Variants in MACROD1 observed in about 807,000 individuals in gnomAD.
MACROD1 encodes ADP-ribose glycohydrolase MACROD1.
In MACROD1, 31 loss-of-function variants were observed where a neutral mutation model predicts 41.4. That is an observed-to-expected ratio of 0.75 (90% CI 0.56 to 1.01). The LOEUF (loss-of-function observed/expected upper bound fraction) is 1.01. Ranked by LOEUF, MACROD1 falls within the 50% of genes least tolerant of loss-of-function variation. MACROD1 has a pLI of 0.00. For missense variants in MACROD1, 473 were observed against 460.0 expected (o/e 1.03, Z -0.26); for synonymous variants, 252 against 203.4 (o/e 1.24, Z -2.03).
At chr11:64,125,724 A>C (rs1325066148) in intron 3 of MACROD1, among the ~76,000 whole-genome samples, 1 of 152,204 alleles carries the variant, frequency 6.6e-6, no homozygotes, top group African/African-American at 2.4e-5. Context: ...AACCTGTGTC[A>C]GTAACTCAGT....
At chr11:64,026,736 C>T (rs1411212460) in intron 3 of MACROD1, among the ~76,000 whole-genome samples, 2 of 152,092 alleles carry the variant, frequency 1.3e-5, no homozygotes, top group East Asian at 1.9e-4. Flanking sequence ...GGCCTCTTTT[C>T]TCTTCCTTCA....
At chr11:64,094,669 C>T (rs990376407) in intron 3 of MACROD1, among the ~76,000 whole-genome samples, 5 of 152,192 alleles carry the variant, frequency 3.3e-5, no homozygotes, top group East Asian at 1.9e-4. Context: ...CTGCTGCGGG[C>T]GGGACCATTT....
At position 64,006,073 on chromosome 11, in the gene MACROD1, G is replaced by A. The variant is rs76765275; in HGVS notation, c.548-5730C>T. 2.3e-3 allele frequency among the ~76,000 whole-genome samples: 345 copies of A among 152,350 alleles called. 2 individuals are homozygous for A. The highest frequency in any genetic ancestry group is 8.1e-3 in the African/African-American group (338 of 41,574). On this transcript the variant is annotated intron_variant, in intron 4 of 10. Transcript: ENST00000255681. Reference sequence around the variant, plus strand: ...AGGGACAAGGCTCCCGGGGAAATGGGGGAAACTGAGTCTCTGAGAGGGTAC... The same window carrying A: ...AGGGACAAGGCTCCCGGGGAAATGGAGGAAACTGAGTCTCTGAGAGGGTAC...
intron 3 of MACROD1, among the ~76,000 whole-genome samples, chr11:64,145,900 G>C (rs1027441002): frequency 3.9e-5 from 6 of 152,164 alleles, no homozygotes; most frequent in Non-Finnish European, 7.3e-5. Context: ...CTCCTGACTA[G>C]CTGGGACTAC....
chr11:64,102,747 G>A (rs770096493), intron 3 of MACROD1, among the ~76,000 whole-genome samples: 2 of 152,084 alleles, frequency 1.3e-5, no homozygotes, highest in Non-Finnish European at 2.9e-5. Context: ...CCCCTTCCCC[G>A]GCTCATAGGC....
At chr11:64,042,853 G>C (rs917322795) in intron 3 of MACROD1, among the ~76,000 whole-genome samples, 2 of 152,206 alleles carry the variant, frequency 1.3e-5, no homozygotes, top group Non-Finnish European at 2.9e-5. Flanking sequence ...GGGCTGGGTA[G>C]TGCCACACCC....
chr11:64,066,690 G>A (rs997355765), intron 3 of MACROD1, among the ~76,000 whole-genome samples: 1 of 151,562 alleles, frequency 6.6e-6, no homozygotes, highest in Non-Finnish European at 1.5e-5. Context: ...CTTCTGAGAT[G>A]TCTGCCTGCA....
rs1829232839 is a variant in MACROD1, at chr11:64,122,775, A to C, written c.517+28464T>G. ...GTGCTGAAAGGTTCTAGCTGGCCCA[A>C]GTCAGGTGAGGGATCCCTGAAGGGT... On this transcript the variant is annotated intron_variant, in intron 3 of 10. Transcript: ENST00000255681. This position sits in a 1 kb window ranked among gnomAD's most constrained non-coding sequence, Gnocchi z 4.0. Among the ~76,000 whole-genome samples the C allele has an allele frequency of 6.6e-6, 1 of 152,172 alleles. No individual in the cohort carries two copies. The highest frequency in any genetic ancestry group is 1.5e-5 in the Non-Finnish European group (1 of 68,016).
At position 64,122,140 on chromosome 11, in the gene MACROD1, A is replaced by G. The variant is rs1379407642; in HGVS notation, c.517+29099T>C. ...TTACTAAAAATAAAATCTATTAATT[A>G]GTCATACTCAATTCCACAGACATGA... is the stretch of plus-strand genomic sequence containing the variant. On this transcript the variant is annotated intron_variant, in intron 3 of 10. Coordinates refer to ENST00000255681, the MANE Select transcript of MACROD1 (RefSeq NM_014067.4). The surrounding 1 kb of genome is among the most constrained non-coding windows in gnomAD (Gnocchi z 4.0). Among the ~76,000 whole-genome samples, 3 of 152,238 alleles carry G rather than the reference A, an allele frequency of 2.0e-5. No homozygotes were observed. Among genetic ancestry groups the G allele is most frequent in the Non-Finnish European group, 4.4e-5 (3 of 68,042 alleles).
intron 3 of MACROD1, among the ~76,000 whole-genome samples, chr11:64,106,828 AC>A (rs1265544736): frequency 1.3e-5 from 2 of 151,610 alleles, no homozygotes; most frequent in African/African-American, 2.4e-5. Context: ...CAAAATAAAG[AC>A]CTTTAGCCCC....
At chr11:64,144,848 G>A (rs770293917) in intron 3 of MACROD1, among the ~76,000 whole-genome samples, 6 of 152,272 alleles carry the variant, frequency 3.9e-5, no homozygotes, top group Admixed American at 1.3e-4. Flanking sequence ...GATTTACGGC[G>A]ACAGTTCAGC....
intron 3 of MACROD1, among the ~76,000 whole-genome samples, chr11:64,039,459 G>A (rs965360816): frequency 3.3e-5 from 5 of 152,192 alleles, no homozygotes; most frequent in Non-Finnish European, 7.4e-5. Context: ...TTCTGCCGGA[G>A]ACAAAGTTCA....
intron 3 of MACROD1, among the ~76,000 whole-genome samples, chr11:64,142,503 T>C (rs1945427463): frequency 6.6e-6 from 1 of 152,098 alleles, no homozygotes; most frequent in Admixed American, 6.5e-5. Flanking sequence ...GACCTTGGGG[T>C]GGAAGGACCC....
chr11:64,117,313 T>C (rs1945006098), intron 3 of MACROD1: 2 of 1,614,070 alleles, frequency 1.2e-6, no homozygotes, highest in Non-Finnish European at 1.7e-6. Flanking sequence ...CGGGCGGCCG[T>C]GGTCAACGTG....
intron 3 of MACROD1, among the ~76,000 whole-genome samples, chr11:64,148,576 C>T (rs1179105885): frequency 6.6e-6 from 1 of 152,208 alleles, no homozygotes; most frequent in Non-Finnish European, 1.5e-5. Context: ...ATTGTGGTGG[C>T]TCCGTGGTAG....
chr11:64,079,602 G>A (rs1299735745), intron 3 of MACROD1, among the ~76,000 whole-genome samples: 1 of 152,190 alleles, frequency 6.6e-6, no homozygotes, highest in African/African-American at 2.4e-5. Flanking sequence ...CGTGGGGTGG[G>A]AGATGGGCTA....
At position 64,096,443 on chromosome 11, in the gene MACROD1, C is replaced by G. The variant is rs576208928; in HGVS notation, c.517+54796G>C. On this transcript the variant is annotated intron_variant, in intron 3 of 10. Coordinates refer to ENST00000255681, the MANE Select transcript of MACROD1 (RefSeq NM_014067.4). The surrounding 1 kb of genome is among the most constrained non-coding windows in gnomAD (Gnocchi z 4.6). ...CTTTTTTTTTTTTGAGACTGAGTCT[C>G]GCTGTGCTGCCCAGGATGATGAAGT... 6.6e-6 allele frequency among the ~76,000 whole-genome samples: 1 copy of G among 151,522 alleles called. No homozygotes were observed. The highest frequency in any genetic ancestry group is 1.5e-5 in the Non-Finnish European group (1 of 67,882).
intron 3 of MACROD1, among the ~76,000 whole-genome samples, chr11:64,061,008 C>T (rs565009849): frequency 6.6e-6 from 1 of 152,044 alleles, no homozygotes; most frequent in African/African-American, 2.4e-5. Context: ...CTTCCCCGAC[C>T]CAGGCATCCT....
In MACROD1 at chr11:64,116,454, G is replaced by A. The variant is rs749232008; in HGVS notation, c.517+34785C>T. On this transcript the variant is annotated intron_variant, in intron 3 of 10. Coordinates refer to ENST00000255681, the MANE Select transcript of MACROD1 (RefSeq NM_014067.4). Reference sequence around the variant, plus strand: ...CCCCTCGGTGTGCCGCTGCGACAACGGCTTCATCTACTGCAACGACCGGGG... The same window carrying A: ...CCCCTCGGTGTGCCGCTGCGACAACAGCTTCATCTACTGCAACGACCGGGG... The A allele has an allele frequency of 8.1e-6, 13 of 1,613,900 alleles. No homozygotes were observed. The highest frequency in any genetic ancestry group is 1.7e-5 in the Admixed American group (1 of 60,000).
Sources: gnomAD v4.1 joint callset for allele counts (sites outside exome capture counted in the v4.1 genomes callset) on GRCh38, gnomAD v4.1.1 for gene constraint, Gnocchi (gnomAD v3.1) non-coding constraint, MANE v1.5 for transcripts, NCBI Gene and HGNC (gene_info 2026-07-23, HGNC 2026-07-21) for gene names.